The following RASA3 variants were observed in gnomAD, a reference collection of about 807,000 sequenced individuals.
The protein encoded by RASA3 is ras GTPase-activating protein 3.
Under a neutral mutation model 110.0 loss-of-function variants are expected in RASA3, and 73 were observed. The ratio of observed to expected loss-of-function variants is 0.66; its 90% confidence interval spans 0.55 to 0.81. RASA3 has a LOEUF of 0.81. Ranked by LOEUF, RASA3 falls within the 30% of genes least tolerant of loss-of-function variation. RASA3 has a pLI of 0.00. For synonymous variants in RASA3, 500 were observed against 451.4 expected (o/e 1.11, Z -1.37); for missense variants, 976 against 1,113.2 (o/e 0.88, Z 1.75).
At chr13:114,038,024 G>A (rs2054313106) in intron 4 of RASA3, among the ~76,000 whole-genome samples, 1 of 151,296 alleles carries the variant, frequency 6.6e-6, no homozygotes, top group Non-Finnish European at 1.5e-5. Flanking sequence ...CCACTCCTGT[G>A]TACTGTTTTG....
At chr13:114,034,176 C>T (rs772054240) in intron 4 of RASA3, among the ~76,000 whole-genome samples, 14 of 152,112 alleles carry the variant, frequency 9.2e-5, no homozygotes, top group East Asian at 1.9e-4. Flanking sequence ...TGGCTATCCA[C>T]GGGCTAAAGG....
At chr13:114,097,416 T>G (rs1265487393) in intron 1 of RASA3, among the ~76,000 whole-genome samples, 2 of 152,158 alleles carry the variant, frequency 1.3e-5, no homozygotes, top group Non-Finnish European at 2.9e-5. Flanking sequence ...TATTCCCGAT[T>G]CAGGGCAATG....
chr13:113,992,441 A>G lies in RASA3; in HGVS notation c.2245+44T>C, dbSNP rs781110963. Reference sequence around the variant, plus strand: ...ATGCTCCTGAGGCCGGGGCCTCGCCAGCCATCCCCTCGCTGCACAGATCTG... The same window carrying G: ...ATGCTCCTGAGGCCGGGGCCTCGCCGGCCATCCCCTCGCTGCACAGATCTG... On this transcript the variant is annotated intron_variant, in intron 22 of 23. Transcript: ENST00000334062. 3.3e-6 allele frequency: 5 copies of G among 1,524,426 alleles called. No homozygotes were observed. In the Admixed American group the frequency reaches 8.4e-5, roughly 26 times the overall value. The allele number at this position is 1,524,426 out of a possible 1,614,324, so 94.4% of individuals were successfully genotyped here. A position where few individuals can be genotyped will look rare whatever the true frequency, so the allele number is the denominator to read the frequency against.
rs1450588297 is a variant in RASA3, at chr13:114,067,258, G to A, written c.173+6462C>T. 2.0e-5 allele frequency among the ~76,000 whole-genome samples: 3 copies of A among 150,204 alleles called. 1 individual carries two copies. In the South Asian group the frequency reaches 6.4e-4, roughly 32 times the overall value. The stretch of plus-strand genomic sequence containing the variant: ...ATGGGCCCCCACCTGCGGACACCCC[G>A]GGGCTGAGGATGGGCCCCCACCTGG... On this transcript the variant is annotated intron_variant, in intron 2 of 23. Transcript: ENST00000334062.
Position 114,017,284 on chromosome 13 carries a change from C to T in RASA3, c.1159G>A (p.Ala387Thr). 2 of 1,613,936 alleles carry T rather than the reference C, an allele frequency of 1.2e-6. No homozygotes were observed. The highest frequency in any genetic ancestry group is 2.2e-5 in the East Asian group (1 of 44,876). ...GTGACATGCAGGTAATGCATCCCCGCCAGCTTCATGGTCTCGTCGATGCAC... is the reference window on the plus strand; with the variant it reads ...GTGACATGCAGGTAATGCATCCCCGTCAGCTTCATGGTCTCGTCGATGCAC... ...SKCIDETMKL[A>T]GMHYLHVTLK... Residue 387 changes from alanine (A) to threonine (T), a missense_variant, in exon 12 of 24, where the codon GCG becomes ACG. Physicochemically the swap from Ala to Thr is moderately conservative, Grantham distance 58. Around this residue, in one of 4 missense-constraint regions of RASA3, gnomAD observed 732 missense variants for 779.7 expected, o/e 0.94. Transcript: ENST00000334062.
chr13:114,103,040 G>A (rs1229832321), intron 1 of RASA3, among the ~76,000 whole-genome samples: 1 of 152,202 alleles, frequency 6.6e-6, no homozygotes, highest in Non-Finnish European at 1.5e-5. Flanking sequence ...GGACACTCAC[G>A]TGGGCAGCTC....
chr13:114,051,238 G>C (rs1372989821), intron 3 of RASA3, among the ~76,000 whole-genome samples: 2 of 152,202 alleles, frequency 1.3e-5, no homozygotes, highest in Non-Finnish European at 2.9e-5. Context: ...CTGGGGTCTG[G>C]GTTCAGGCTG....
Position 114,052,649 on chromosome 13 carries a change from T to G in RASA3, c.174-494A>C, listed in dbSNP as rs555926095. Among the ~76,000 whole-genome samples, 8 of 151,848 alleles carry G rather than the reference T, an allele frequency of 5.3e-5. 1 individual carries two copies. In the South Asian group the frequency reaches 1.7e-3, roughly 32 times the overall value. On this transcript the variant is annotated intron_variant, in intron 2 of 23. Coordinates refer to ENST00000334062, the MANE Select transcript of RASA3 (RefSeq NM_007368.4). ...TCACTCCTCGGGGAGAGACCCCCGC[T>G]GCTGACTGTACTTAGAGTCCTCGCT... is the stretch of plus-strand genomic sequence containing the variant.
intron 2 of RASA3, among the ~76,000 whole-genome samples, chr13:114,061,955 C>T (rs2079359839): frequency 6.6e-6 from 1 of 152,072 alleles, no homozygotes; most frequent in Non-Finnish European, 1.5e-5. Flanking sequence ...AAGGTCAAGC[C>T]AGCTCAGGGG....
intron 1 of RASA3, among the ~76,000 whole-genome samples, chr13:114,108,488 C>T: frequency 6.9e-6 from 1 of 144,386 alleles, no homozygotes; most frequent in Non-Finnish European, 1.5e-5. Flanking sequence ...TCCATGATCC[C>T]CCGTCCGTCA....
chr13:114,072,312 T>C (rs2079585570), intron 2 of RASA3, among the ~76,000 whole-genome samples: 1 of 152,224 alleles, frequency 6.6e-6, no homozygotes, highest in Non-Finnish European at 1.5e-5. Flanking sequence ...GTTCTGGTTG[T>C]GCTCTGGACA....
At chr13:113,993,472 G>A (rs868546248) in intron 21 of RASA3, among the ~76,000 whole-genome samples, 4 of 151,846 alleles carry the variant, frequency 2.6e-5, no homozygotes, top group Non-Finnish European at 4.4e-5. Flanking sequence ...CACTGAGCCC[G>A]GCCTCATGTC....
chr13:114,055,735 C>A (rs779029430), intron 2 of RASA3, among the ~76,000 whole-genome samples: 15 of 152,204 alleles, frequency 9.9e-5, no homozygotes, highest in Non-Finnish European at 1.5e-4. Flanking sequence ...CGTTTCCAGC[C>A]CCGTTCGCTC....
At chr13:114,108,519 G>GCA (rs2080172460) in intron 1 of RASA3, 1 of 125,994 alleles carries the variant, frequency 7.9e-6, no homozygotes, top group Non-Finnish European at 1.6e-5. Context: ...ATCACCCCAT[G>GCA]TCCATCACCC....
intron 18 of RASA3, among the ~76,000 whole-genome samples, chr13:114,005,269 A>G (rs1449995440): frequency 6.6e-6 from 1 of 152,146 alleles, no homozygotes; most frequent in Non-Finnish European, 1.5e-5. Context: ...ATACAGGAAC[A>G]TGGTCCACAC....
chr13:113,982,973 C>T lies in RASA3; in HGVS notation c.2246-1115G>A, dbSNP rs1010695569. 3.2e-4 allele frequency among the ~76,000 whole-genome samples: 49 copies of T among 152,064 alleles called. 2 individuals are homozygous for T. The highest frequency in any genetic ancestry group is 6.6e-5 in the Admixed American group (1 of 15,246). ...TTCCTGCTGTCTGTAACCACCCAGCCTATGGTACAATTTTTACGGCAGCCC... is the reference window on the plus strand; with the variant it reads ...TTCCTGCTGTCTGTAACCACCCAGCTTATGGTACAATTTTTACGGCAGCCC... On this transcript the variant is annotated intron_variant, in intron 22 of 23. Coordinates refer to ENST00000334062, the MANE Select transcript of RASA3 (RefSeq NM_007368.4).
intron 1 of RASA3, among the ~76,000 whole-genome samples, chr13:114,082,374 G>A (rs1215500164): frequency 1.3e-5 from 2 of 152,266 alleles, no homozygotes; most frequent in East Asian, 1.9e-4. Context: ...TTGGGAGCAG[G>A]GCCTGAGCCT....
At chr13:114,017,008 G>A (rs531007721) in intron 12 of RASA3, among the ~76,000 whole-genome samples, 3 of 152,240 alleles carry the variant, frequency 2.0e-5, no homozygotes, top group South Asian at 2.1e-4. Context: ...TTGTGGAGTG[G>A]TGGATTTTCT....
rs543730098 is a variant in RASA3, at chr13:114,011,660, C to T, written c.1513-412G>A. On this transcript the variant is annotated intron_variant, in intron 15 of 23. Transcript: ENST00000334062. This position sits in a 1 kb window ranked among gnomAD's most constrained non-coding sequence, Gnocchi z 4.8. ...GCTGGGGGCCGGGCTTGGTGGCTCA[C>T]GCCTGTAATCCCAGCACTTCGGGAG... is the stretch of plus-strand genomic sequence containing the variant. 2.0e-5 allele frequency among the ~76,000 whole-genome samples: 3 copies of T among 151,966 alleles called. No homozygotes were observed. The highest frequency in any genetic ancestry group is 6.6e-5 in the Admixed American group (1 of 15,260).
Sources: gnomAD v4.1 joint callset for allele counts (sites outside exome capture counted in the v4.1 genomes callset) on GRCh38, gnomAD v4.1.1 for gene constraint, gnomAD v4.1.1 regional missense constraint, Gnocchi (gnomAD v3.1) non-coding constraint, MANE v1.5 for transcripts, NCBI Gene and HGNC (gene_info 2026-07-23, HGNC 2026-07-21) for gene names.